The following STPG2 variants were observed in gnomAD, a reference collection of about 807,000 sequenced individuals.
The protein encoded by STPG2 is sperm tail PG-rich repeat containing 2, also known as sperm-tail PG-rich repeat-containing protein 2.
A neutral mutation model predicts 54.2 loss-of-function variants in STPG2; 56 were observed. That is an observed-to-expected ratio of 1.03 (90% CI 0.83 to 1.29). The LOEUF (loss-of-function observed/expected upper bound fraction) is 1.29. Among genes scored for constraint, STPG2 ranks in the 50% most tolerant of loss-of-function variants. The pLI is 0.00. For missense variants in STPG2, 596 were observed against 544.9 expected (o/e 1.09, Z -0.93); for synonymous variants, 200 against 181.8 (o/e 1.10, Z -0.81).
At chr4:98,043,925 A>G (rs1216854179) in intron 5 of STPG2, among the ~76,000 whole-genome samples, 2 of 151,462 alleles carry the variant, frequency 1.3e-5, no homozygotes, top group African/African-American at 4.9e-5. Flanking sequence ...CCTCCTCCCC[A>G]CCTCCACCCT....
At chr4:97,801,845 C>A (rs946654507) in intron 9 of STPG2, among the ~76,000 whole-genome samples, 1 of 152,072 alleles carries the variant, frequency 6.6e-6, no homozygotes, top group Admixed American at 6.5e-5. Flanking sequence ...TCTGCAATGC[C>A]ATCAATTAGA....
chr4:97,781,146 C>G (rs537655880), intron 9 of STPG2, among the ~76,000 whole-genome samples: 2 of 152,032 alleles, frequency 1.3e-5, no homozygotes, highest in Admixed American at 6.5e-5. Flanking sequence ...AATCCAGGAG[C>G]TGGTCTTTTG....
chr4:97,709,995 C>A (rs1376584202), intron 10 of STPG2, among the ~76,000 whole-genome samples: 2 of 151,792 alleles, frequency 1.3e-5, no homozygotes, highest in African/African-American at 2.4e-5. Context: ...GTGGGTGGAA[C>A]CTGAATCATA....
downstream of STPG2, among the ~76,000 whole-genome samples, chr4:97,554,261 A>C (rs1732030410): frequency 6.6e-6 from 1 of 152,170 alleles, no homozygotes; most frequent in African/African-American, 2.4e-5. Context: ...GGCATCTACC[A>C]GTACAAATCA....
At chr4:97,525,749 C>A (rs113801414) in intron 4 of STPG2, among the ~76,000 whole-genome samples, 1 of 151,742 alleles carries the variant, frequency 6.6e-6, no homozygotes, top group Non-Finnish European at 1.5e-5. Context: ...ATTAAAGGAA[C>A]AATTCTAAGT....
chr4:97,707,965 T>C (rs567046986), intron 10 of STPG2, among the ~76,000 whole-genome samples: 1 of 152,304 alleles, frequency 6.6e-6, no homozygotes, highest in Admixed American at 6.5e-5. Flanking sequence ...TAAAATTTCT[T>C]AGATAAGTTG....
intron 10 of STPG2, among the ~76,000 whole-genome samples, chr4:97,601,440 G>A (rs931756268): frequency 2.6e-5 from 4 of 151,910 alleles, no homozygotes; most frequent in African/African-American, 9.7e-5. Context: ...CATCTAACCA[G>A]AATTGATTTT....
At chr4:97,473,355 CCT>C (rs1729990037) in intron 4 of STPG2, among the ~76,000 whole-genome samples, 1 of 152,070 alleles carries the variant, frequency 6.6e-6, no homozygotes, top group Non-Finnish European at 1.5e-5. Flanking sequence ...AGAATGCGCC[CCT>C]GAGGGTAGGC....
rs139564498 is a variant in STPG2 at position 97,920,292 on chromosome 4, A to T, written c.1044+23605T>A. 5.4e-3 allele frequency among the ~76,000 whole-genome samples: 825 copies of T among 152,216 alleles called. 9 individuals are homozygous for T. Among genetic ancestry groups the T allele is most frequent in the Middle Eastern group, 0.024 (7 of 294 alleles). On this transcript the variant is annotated intron_variant, in intron 8 of 10. Coordinates refer to ENST00000295268, the MANE Select transcript of STPG2 (RefSeq NM_174952.3). ...TTTCGCCTTGTCACACACTCACAAAATTTTTGCCTCTTGTCTCTACAACTT... is the reference window on the plus strand; with the variant it reads ...TTTCGCCTTGTCACACACTCACAAATTTTTTGCCTCTTGTCTCTACAACTT...
chr4:98,134,406 C>T lies in STPG2; in HGVS notation c.163G>A (p.Ala55Thr). Residue 55 changes from alanine to threonine, a missense_variant, in exon 2 of 11, where the codon GCC becomes ACC. By Grantham distance (58) the Ala-to-Thr change is moderately conservative. Coordinates refer to ENST00000295268, the MANE Select transcript of STPG2 (RefSeq NM_174952.3). The part of the protein sequence containing the change: ...LTARESTFTI[A>T]SSIEKAVPGP... ...GGAACAGCTTTCTCAATGCTAGAGG[C>T]AATGGTAAAAGTACTTTCTCTGGCA... 6.3e-7 allele frequency: 1 copy of T among 1,587,718 alleles called. No homozygotes were observed. The highest frequency in any genetic ancestry group is 8.6e-7 in the Non-Finnish European group (1 of 1,164,622).
At chr4:97,484,003 A>G (rs1376085967) in intron 4 of STPG2, among the ~76,000 whole-genome samples, 2 of 151,874 alleles carry the variant, frequency 1.3e-5, no homozygotes, top group African/African-American at 4.8e-5. Context: ...TCAAGTTGGA[A>G]ATTAAAACAT....
chr4:98,029,668 G>T (rs1293485289), intron 5 of STPG2, among the ~76,000 whole-genome samples: 2 of 152,054 alleles, frequency 1.3e-5, no homozygotes, highest in African/African-American at 4.8e-5. Context: ...CAAAATCCTA[G>T]GGTTGCGTGC....
chr4:97,940,173 G>C (rs1732922247), intron 8 of STPG2, among the ~76,000 whole-genome samples: 1 of 152,126 alleles, frequency 6.6e-6, no homozygotes, highest in Non-Finnish European at 1.5e-5. Flanking sequence ...TCGGCTGTTA[G>C]CCTCATAGAG....
chr4:97,474,171 T>TGTTTGTGGGAACTGGA (rs1228631923), intron 4 of STPG2, among the ~76,000 whole-genome samples: 41 of 152,240 alleles, frequency 2.7e-4, no homozygotes, highest in Non-Finnish European at 5.0e-4. Flanking sequence ...AAGGGTTGTC[T>TGTTTGTGGGAACTGGA]GTTTGTGGGA....
intron 9 of STPG2, among the ~76,000 whole-genome samples, chr4:97,739,830 T>TG (rs1725160329): frequency 4.7e-5 from 2 of 42,686 alleles, no homozygotes; most frequent in Admixed American, 5.3e-4. Flanking sequence ...TTCCAATCAA[T>TG]AAAAAAGAGG....
At chr4:97,831,075 TC>T (rs1728441525) in intron 9 of STPG2, among the ~76,000 whole-genome samples, 3 of 152,170 alleles carry the variant, frequency 2.0e-5, no homozygotes, top group African/African-American at 7.2e-5. Flanking sequence ...TATACATTCT[TC>T]TCAGCACCTC....
chr4:98,047,881 G>C (rs1328382806), intron 5 of STPG2, among the ~76,000 whole-genome samples: 3 of 152,026 alleles, frequency 2.0e-5, no homozygotes, highest in Non-Finnish European at 4.4e-5. Context: ...ATAAAGTATG[G>C]ATTAAACACG....
At chr4:97,701,725 T>C (rs184800946) in intron 10 of STPG2, among the ~76,000 whole-genome samples, 1 of 152,312 alleles carries the variant, frequency 6.6e-6, no homozygotes, top group East Asian at 1.9e-4. Flanking sequence ...AGGCTTCCTG[T>C]CAATTTCACT....
chr4:97,571,543 T>C (rs947999635), intron 10 of STPG2, among the ~76,000 whole-genome samples: 2 of 152,172 alleles, frequency 1.3e-5, no homozygotes, highest in Non-Finnish European at 1.5e-5. Flanking sequence ...CCACCTCTTA[T>C]AGCAACCCAG....
Sources: gnomAD v4.1 joint callset for allele counts (sites outside exome capture counted in the v4.1 genomes callset) on GRCh38, gnomAD v4.1.1 for gene constraint, MANE v1.5 for transcripts, NCBI Gene and HGNC (gene_info 2026-07-23, HGNC 2026-07-21) for gene names.